DMD: variants seen among roughly 807,000 people sequenced by gnomAD.
DMD encodes the protein mutant dystrophin.
A neutral mutation model predicts 330.1 loss-of-function variants in DMD; 63 were observed. The ratio of observed to expected loss-of-function variants is 0.19; its 90% CI spans 0.16 to 0.24. DMD has a LOEUF of 0.24. DMD is among the 10% of genes least tolerant of loss of function. The pLI is 1.00. For missense variants in DMD, 3,344 were observed against 2,684.1 expected (o/e 1.25, Z -5.43); for synonymous variants, 1,223 against 959.8 (o/e 1.27, Z -5.07).
intron 54 of DMD, among the ~76,000 whole-genome samples, chrX:31,630,635 G>A (rs180708604): frequency 9.1e-6 from 1 of 110,366 alleles, no homozygotes. Flanking sequence ...GAACCATATG[G>A]GTTTAAGTGG....
rs1357007720 is a variant in DMD at position 32,501,790 on chromosome X, C to A, written c.2345G>T (p.Arg782Ile). ...EKFRKLQDAS[R>I]SAQALVEQMV... ...CTGTTCCACCAGGGCCTGAGCTGAT[C>A]TGCTGGCATCTTGCAGTTTTCTGAA... The change falls in exon 19 of 79, where the codon AGA becomes ATA. Residue 782 changes from arginine (R) to isoleucine (I), a missense_variant. Physicochemically the swap from Arg to Ile is moderately conservative, Grantham distance 97. Transcript: ENST00000357033. 5.0e-6 allele frequency: 6 copies of A among 1,208,119 alleles called. No homozygotes were observed. The African/African-American group carries it at 8.7e-5, about 18-fold the overall frequency.
At chrX:32,012,394 T>C (rs1353996844) in intron 44 of DMD, among the ~76,000 whole-genome samples, 1 of 111,998 alleles carries the variant, frequency 8.9e-6, no homozygotes, top group Non-Finnish European at 1.9e-5. Flanking sequence ...GCAATTTCAC[T>C]GCACTTCTCT....
In DMD at chrX:32,254,665, T is replaced by C. The variant is rs1161492944; in HGVS notation, c.6290+32864A>G. ...ATGTGAAGGGTGTTTATATCCACAA[T>C]GGAAATGGAAATTGGTGAGTACCAA... is the stretch of plus-strand genomic sequence containing the variant. On this transcript the variant is annotated intron_variant, in intron 43 of 78. Transcript: ENST00000357033. Among the ~76,000 whole-genome samples the C allele has an allele frequency of 2.7e-5, 3 of 111,799 alleles. No homozygotes were observed. The East Asian group carries it at 8.5e-4, about 32-fold the overall frequency.
intron 60 of DMD, among the ~76,000 whole-genome samples, chrX:31,407,252 C>T (rs976190605): frequency 2.7e-5 from 3 of 110,960 alleles, no homozygotes; most frequent in Non-Finnish European, 3.8e-5. Flanking sequence ...GCAACCTCTG[C>T]CTCCTGGGTT....
At chrX:32,152,327 A>AT (rs1253754616) in intron 44 of DMD, among the ~76,000 whole-genome samples, 1 of 111,422 alleles carries the variant, frequency 9.0e-6, no homozygotes, top group African/African-American at 3.3e-5. Context: ...TGTAACTATT[A>AT]TTTTTTTAAA....
intron 11 of DMD, among the ~76,000 whole-genome samples, chrX:32,622,123 G>A (rs772065591): frequency 1.8e-5 from 2 of 111,461 alleles, no homozygotes; most frequent in South Asian, 7.6e-4. Context: ...ATTTTGACAT[G>A]AGACTTTTAC....
At chrX:32,228,282 G>C (rs1249068940) in intron 43 of DMD, among the ~76,000 whole-genome samples, 1 of 110,990 alleles carries the variant, frequency 9.0e-6, no homozygotes, top group Non-Finnish European at 1.9e-5. Flanking sequence ...AAATCTCTTT[G>C]ACACAATATA....
intron 52 of DMD, among the ~76,000 whole-genome samples, chrX:31,689,799 T>C (rs1270719533): frequency 3.6e-5 from 4 of 110,476 alleles, no homozygotes; most frequent in South Asian, 3.8e-4. Flanking sequence ...AGAACAGAGC[T>C]CTCAGAAATA....
intron 47 of DMD, among the ~76,000 whole-genome samples, chrX:31,920,035 T>C (rs2094667537): frequency 8.9e-6 from 1 of 112,102 alleles, no homozygotes; most frequent in South Asian, 3.7e-4. Context: ...CCATTACAGA[T>C]CTGTTATAAG....
At chrX:32,711,730 G>C (rs1311000001) in intron 7 of DMD, among the ~76,000 whole-genome samples, 1 of 111,688 alleles carries the variant, frequency 9.0e-6, no homozygotes, top group Non-Finnish European at 1.9e-5. Context: ...AGTAATACTT[G>C]TCACCAGATG....
At chrX:31,298,404 C>CAT (rs1556458591) in intron 62 of DMD, among the ~76,000 whole-genome samples, 7 of 100,479 alleles carry the variant, frequency 7.0e-5, no homozygotes, top group Admixed American at 1.1e-4. Context: ...CACACACACA[C>CAT]ACACATACAC....
Position 32,816,670 on chromosome X carries a change from A to C in DMD, c.358-30T>G, listed in dbSNP as rs775400435. ...ATGTGGAAATAAATTTTCATAAGAA[A>C]ATGCATTCCTTGAGCAAGAACCATG... On this transcript the variant is annotated intron_variant, in intron 5 of 78. Transcript: ENST00000357033. 5.1e-6 allele frequency: 6 copies of C among 1,178,796 alleles called. No homozygotes were observed. In the African/African-American group the frequency reaches 7.1e-5, roughly 14 times the overall value.
At chrX:31,377,851 C>T (rs2059956571) in intron 60 of DMD, among the ~76,000 whole-genome samples, 1 of 111,395 alleles carries the variant, frequency 9.0e-6, no homozygotes, top group African/African-American at 3.3e-5. Context: ...TAACTGATGA[C>T]ATTCCACCAC....
chrX:32,735,324 A>T lies in DMD; in HGVS notation c.650-36031T>A, dbSNP rs764338390. On this transcript the variant is annotated intron_variant, in intron 7 of 78. Transcript: ENST00000357033. Reference sequence around the variant, plus strand: ...ATGGGTAGGAAGAATCAATATCGTGAAAATGGCCATACTGCCCAAGGTAAT... The same window carrying T: ...ATGGGTAGGAAGAATCAATATCGTGTAAATGGCCATACTGCCCAAGGTAAT... Among the ~76,000 whole-genome samples the T allele has an allele frequency of 1.7e-4, 19 of 110,797 alleles. No individual in the cohort carries two copies. The South Asian group carries it at 7.0e-3, about 41-fold the overall frequency.
At chrX:32,906,852 G>T (rs953654517) in intron 2 of DMD, among the ~76,000 whole-genome samples, 2 of 111,249 alleles carry the variant, frequency 1.8e-5, no homozygotes, top group African/African-American at 6.5e-5. Flanking sequence ...TAATTTGTAG[G>T]CCAAGCCAAA....
rs758584092 is a variant in DMD at position 32,734,976 on chromosome X, A to T, written c.650-35683T>A. Among the ~76,000 whole-genome samples the T allele has an allele frequency of 4.5e-3, 494 of 110,328 alleles. 12 individuals are homozygous for T. Among genetic ancestry groups the T allele is most frequent in the African/African-American group, 0.015 (462 of 30,048 alleles). On this transcript the variant is annotated intron_variant, in intron 7 of 78. Transcript: ENST00000357033. ...ATTAGGAAAAGAGAAAGTCAAATTG[A>T]CCCTGTTTGCAGATGACATGATTGT...
intron 39 of DMD, 88 bp downstream of exon 39, chrX:32,345,855 A>G: frequency 9.8e-7 from 1 of 1,024,397 alleles, no homozygotes; most frequent in Non-Finnish European, 1.3e-6. Flanking sequence ...CTAAGTCTGA[A>G]GCAGATTTTA....
At chrX:32,839,202 T>TG (rs1209530263) in intron 4 of DMD, among the ~76,000 whole-genome samples, 1 of 110,489 alleles carries the variant, frequency 9.1e-6, no homozygotes, top group Non-Finnish European at 1.9e-5. Context: ...TTCCTTTATC[T>TG]CTAAACTCAC....
intron 60 of DMD, among the ~76,000 whole-genome samples, chrX:31,411,739 T>C (rs1255740996): frequency 3.6e-5 from 4 of 110,657 alleles, no homozygotes; most frequent in Non-Finnish European, 5.7e-5. Flanking sequence ...GTTCAAGCTA[T>C]TCTCCTGCCT....
Sources: gnomAD v4.1 joint callset for allele counts (sites outside exome capture counted in the v4.1 genomes callset) on GRCh38, gnomAD v4.1.1 for gene constraint, MANE v1.5 for transcripts, NCBI Gene and HGNC (gene_info 2026-07-23, HGNC 2026-07-21) for gene names.